Variants in DOCK3 observed in about 807,000 individuals in gnomAD.
DOCK3 encodes dedicator of cytokinesis 3, also known as dedicator of cytokinesis protein 3.
A neutral mutation model predicts 265.6 loss-of-function variants in DOCK3; 60 were observed. The observed-to-expected ratio is 0.23, with a 90% CI of 0.18 to 0.28. DOCK3 has a LOEUF of 0.28. Among genes scored for constraint, DOCK3 ranks in the 10% least tolerant of loss-of-function variants. The pLI is 1.00. For missense variants in DOCK3, 1,981 were observed against 2,594.3 expected, an observed-to-expected ratio of 0.76 and a Z score of 5.14; for synonymous variants, 881 against 938.0, an observed-to-expected ratio of 0.94 and a Z score of 1.11.
At chr3:50,728,932 C>T (rs1487112752) in intron 1 of DOCK3, among the ~76,000 whole-genome samples, 2 of 149,630 alleles carry the variant, frequency 1.3e-5, no homozygotes, top group Non-Finnish European at 3.0e-5. Context: ...CCATGTTGGC[C>T]ATGCTGGTCT....
chr3:50,841,492 T>C (rs1272472728), intron 2 of DOCK3, among the ~76,000 whole-genome samples, 183 bp from the exon 3 acceptor site: 2 of 152,110 alleles, frequency 1.3e-5, no homozygotes. Flanking sequence ...ATTAGAAATG[T>C]TTTATTCACC....
At chr3:51,149,892 T>C (rs2085494665) in intron 10 of DOCK3, among the ~76,000 whole-genome samples, 1 of 152,156 alleles carries the variant, frequency 6.6e-6, no homozygotes, top group Admixed American at 6.5e-5. Flanking sequence ...TTTCTGTTAA[T>C]TGGAATAGTT....
intron 44 of DOCK3, 88 bp from the exon 45 acceptor site, chr3:51,357,670 G>C (rs1489652662): frequency 7.5e-7 from 1 of 1,324,792 alleles, no homozygotes; most frequent in Non-Finnish European, 1.1e-6. Context: ...CTGCTTTTTA[G>C]GTGGCATTAG....
chr3:50,708,886 G>A (rs1169314648), intron 1 of DOCK3, among the ~76,000 whole-genome samples: 1 of 152,228 alleles, frequency 6.6e-6, no homozygotes, highest in Non-Finnish European at 1.5e-5. Flanking sequence ...TCTGTTTGAT[G>A]TGTGGTTATC....
intron 1 of DOCK3, among the ~76,000 whole-genome samples, chr3:50,677,927 G>C (rs1441194599): frequency 6.6e-6 from 1 of 152,164 alleles, no homozygotes; most frequent in African/African-American, 2.4e-5. Context: ...GCAGTGGGGA[G>C]GACATTATCC....
chr3:50,983,955 G>A (rs1375963727), intron 5 of DOCK3, among the ~76,000 whole-genome samples: 1 of 152,090 alleles, frequency 6.6e-6, no homozygotes, highest in Non-Finnish European at 1.5e-5. Flanking sequence ...CTGTTCCCTG[G>A]TGCCAGCTTT....
chr3:51,063,923 A>G (rs1364062759), intron 5 of DOCK3, among the ~76,000 whole-genome samples: 1 of 152,264 alleles, frequency 6.6e-6, no homozygotes. Flanking sequence ...AAAGCTAATT[A>G]GAAAATCAGA....
intron 4 of DOCK3, among the ~76,000 whole-genome samples, chr3:50,911,470 T>C (rs2049849321): frequency 1.3e-5 from 2 of 152,126 alleles, no homozygotes; most frequent in South Asian, 2.1e-4. Flanking sequence ...TGACTTCATA[T>C]GTGTGGATTT....
intron 10 of DOCK3, among the ~76,000 whole-genome samples, chr3:51,156,122 C>G (rs1295448647): frequency 6.6e-6 from 1 of 151,930 alleles, no homozygotes; most frequent in African/African-American, 2.4e-5. Context: ...AAAATACTAC[C>G]TTATTTTCTG....
At chr3:50,957,655 T>C (rs1048581209) in intron 5 of DOCK3, among the ~76,000 whole-genome samples, 1 of 152,200 alleles carries the variant, frequency 6.6e-6, no homozygotes, top group Non-Finnish European at 1.5e-5. Context: ...AGATTTCTGT[T>C]TACTAAATCT....
chr3:50,849,653 A>C (rs1321926913), intron 3 of DOCK3, among the ~76,000 whole-genome samples: 1 of 152,222 alleles, frequency 6.6e-6, no homozygotes, highest in Non-Finnish European at 1.5e-5. Context: ...ATTGATAAAG[A>C]ATAGCAATGA....
In DOCK3 at chr3:51,228,653, G is replaced by T. The variant is rs1314552376; in HGVS notation, c.1648-8G>T. The T allele has an allele frequency of 4.4e-6, 7 of 1,601,490 alleles. No homozygotes were observed. Among genetic ancestry groups the T allele is most frequent in the Admixed American group, 1.8e-5 (1 of 57,130 alleles). ...AGGGGACATTTTTTTCTCCATTTTT[G>T]CCTACAGTGTGATGAGAATAGCACG... On this transcript the variant is annotated splice_region_variant and splice_polypyrimidine_tract_variant and intron_variant, in intron 17 of 52. Coordinates refer to ENST00000266037, the MANE Select transcript of DOCK3 (RefSeq NM_004947.5).
chr3:51,090,193 AAAAT>A (rs776051894), intron 8 of DOCK3, 33 bp from the exon 9 acceptor site: 2 of 1,514,822 alleles, frequency 1.3e-6, no homozygotes, highest in Non-Finnish European at 8.8e-7. Context: ...AAAAATAACT[AAAAT>A]AAAAATCACT....
At chr3:51,222,777 T>A (rs1293772127) in intron 14 of DOCK3, among the ~76,000 whole-genome samples, 4 of 152,118 alleles carry the variant, frequency 2.6e-5, no homozygotes, top group South Asian at 2.1e-4. Context: ...TTCTGTTTTT[T>A]AAAAAAATGA....
At chr3:50,741,605 C>G (rs1484599243) in intron 1 of DOCK3, among the ~76,000 whole-genome samples, 35 of 149,022 alleles carry the variant, frequency 2.3e-4, no homozygotes, top group African/African-American at 5.0e-4. Flanking sequence ...GACATGAACT[C>G]ATCATTTTTT....
chr3:50,821,590 G>A lies in DOCK3; in HGVS notation c.122-20085G>A, dbSNP rs1457940876. Among the ~76,000 whole-genome samples, 6 of 152,186 alleles carry A rather than the reference G, an allele frequency of 3.9e-5. No homozygotes were observed. In the East Asian group the frequency reaches 7.7e-4, roughly 20 times the overall value. ...GCTGGGATTACAGGCCTGAGCCACC[G>A]TGCCTGGCCGCCTTCTAAGATTTTT... On this transcript the variant is annotated intron_variant, in intron 2 of 52. Transcript: ENST00000266037.
In DOCK3 at chr3:51,361,970, T is replaced by A. The variant is rs2086769525; in HGVS notation, c.5118T>A (p.Ala1706=). The A allele has an allele frequency of 6.2e-7, 1 of 1,610,376 alleles. No homozygotes were observed. The highest frequency in any genetic ancestry group is 8.5e-7 in the Non-Finnish European group (1 of 1,178,408). ...TGGGTGACGGCTCCATGGGTGATGC[T>A]CCTGAGGACCTGTACCACCACATGC... ...VMLGDGSMGD[A]PEDLYHHMQL... Residue 1706 remains alanine, a synonymous_variant, in exon 48 of 53, where the codon GCT becomes GCA. Coordinates refer to ENST00000266037, the MANE Select transcript of DOCK3 (RefSeq NM_004947.5). This position sits in a 1 kb window ranked among gnomAD's most constrained non-coding sequence, Gnocchi z 4.2.
intron 12 of DOCK3, among the ~76,000 whole-genome samples, chr3:51,169,064 A>G (rs550728039): frequency 2.5e-4 from 38 of 152,346 alleles, no homozygotes; most frequent in Admixed American, 8.5e-4. Context: ...CAGAGTGGCT[A>G]TCATTAAAAA....
intron 5 of DOCK3, among the ~76,000 whole-genome samples, chr3:50,970,628 A>C (rs1346075974): frequency 6.6e-6 from 1 of 151,188 alleles, no homozygotes; most frequent in Non-Finnish European, 1.5e-5. Context: ...TTTTTCTAAA[A>C]AGTGTGTATC....
Sources: allele counts gnomAD v4.1 joint callset (sites outside exome capture counted in the v4.1 genomes callset), GRCh38; gene constraint gnomAD v4.1.1; non-coding constraint Gnocchi (gnomAD v3.1); transcripts MANE v1.5; gene names NCBI Gene and HGNC (gene_info 2026-07-23, HGNC 2026-07-21).